The following FAM193A variants were observed in gnomAD, a reference collection of about 807,000 sequenced individuals.
FAM193A encodes family with sequence similarity 193 member A.
A neutral mutation model predicts 126.5 loss-of-function variants in FAM193A; 22 were observed. The ratio of observed to expected loss-of-function variants is 0.17; its 90% CI spans 0.12 to 0.25. FAM193A has a LOEUF of 0.25. Ranked by LOEUF, FAM193A falls within the 10% of genes least tolerant of loss-of-function variation. The pLI is 1.00. For missense variants in FAM193A, 1,675 were observed against 1,672.8 expected (o/e 1.00, Z -0.02); for synonymous variants, 761 against 646.8 (o/e 1.18, Z -2.68).
intron 19 of FAM193A, among the ~76,000 whole-genome samples, chr4:2,711,011 C>T (rs534653404): frequency 6.6e-6 from 1 of 151,944 alleles, no homozygotes; most frequent in East Asian, 1.9e-4. Context: ...ACCACCTCGC[C>T]CGGCTAATTT....
intron 1 of FAM193A, among the ~76,000 whole-genome samples, chr4:2,571,914 C>G (rs1055906618): frequency 6.6e-6 from 1 of 151,074 alleles, no homozygotes; most frequent in Non-Finnish European, 1.5e-5. Flanking sequence ...GCCTGTAATC[C>G]CAGCACTTCG....
At chr4:2,551,713 T>C (rs1737930715) in intron 1 of FAM193A, among the ~76,000 whole-genome samples, 1 of 152,180 alleles carries the variant, frequency 6.6e-6, no homozygotes, top group Admixed American at 6.6e-5. Flanking sequence ...TTTTTAAACC[T>C]TTTTGAAGAA....
chr4:2,690,977 C>CTT lies in FAM193A; in HGVS notation c.2803+8_2803+9dup. On this transcript the variant is annotated splice_region_variant and intron_variant, in intron 15 of 20. Coordinates refer to ENST00000637812, the MANE Select transcript of FAM193A (RefSeq NM_001366318.2). The stretch of plus-strand genomic sequence containing the variant: ...AAGAGACCTCCTTCAGTAGGTAAGG[C>CTT]TTGAAGGCTCACTGGCCCTCGGGGT... The CTT allele has an allele frequency of 1.2e-6, 2 of 1,606,432 alleles. No homozygotes were observed. The highest frequency in any genetic ancestry group is 1.7e-6 in the Non-Finnish European group (2 of 1,174,840).
intron 7 of FAM193A, among the ~76,000 whole-genome samples, chr4:2,647,694 C>T (rs34096174): frequency 0.066 from 10,103 of 152,228 alleles, 575 homozygotes; most frequent in African/African-American, 0.15. Context: ...CGCTTCCCAC[C>T]CCTGGCCTGC....
chr4:2,705,030 A>G (rs1012455470), intron 19 of FAM193A, among the ~76,000 whole-genome samples: 10 of 152,066 alleles, frequency 6.6e-5, no homozygotes, highest in Admixed American at 3.3e-4. Flanking sequence ...TCCTGCTTCA[A>G]CCTCCTGAGT....
Position 2,693,700 on chromosome 4 carries a change from C to T in FAM193A, c.2918C>T (p.Ser973Leu). 2 of 1,614,162 alleles carry T rather than the reference C, an allele frequency of 1.2e-6. No individual in the cohort carries two copies. Among genetic ancestry groups the T allele is most frequent in the Non-Finnish European group, 1.7e-6 (2 of 1,179,994 alleles). ...PLPALSPAAL[S>L]PAALSPASTP... The stretch of plus-strand genomic sequence containing the variant: ...CCAGCGCTCTCGCCTGCTGCGCTGT[C>T]ACCTGCTGCGCTCTCACCTGCCTCC... Residue 973 changes from serine (S) to leucine (L), a missense_variant, in exon 16 of 21, where the codon TCA (serine) becomes TTA (leucine). Transcript: ENST00000637812.
At chr4:2,596,540 C>T (rs544808150) in intron 2 of FAM193A, among the ~76,000 whole-genome samples, 78 of 152,336 alleles carry the variant, frequency 5.1e-4, no homozygotes, top group African/African-American at 1.6e-3. Context: ...CTTGTCTGGG[C>T]ACAATTCAGT....
rs538793946 is a variant in FAM193A, at chr4:2,701,305, CTTG to C, written c.4372+767_4372+769del. ...ATAGCAAAAAAAAAAAAAAAAAGCT[CTTG>C]TTGTTTCTCCTGACATGGGATCCAA... On this transcript the variant is annotated intron_variant, in intron 19 of 20. Coordinates refer to ENST00000637812, the MANE Select transcript of FAM193A (RefSeq NM_001366318.2). 4.9e-3 allele frequency among the ~76,000 whole-genome samples: 715 copies of C among 146,930 alleles called. 8 individuals carry two copies. Among genetic ancestry groups the C allele is most frequent in the Non-Finnish European group, 5.7e-3 (382 of 66,710 alleles).
chr4:2,596,126 C>G lies in FAM193A; in HGVS notation c.298C>G (p.Pro100Ala), dbSNP rs757326599. ...FGMNHRTPPY[P>A]AGDYCLLCRS... is the part of the protein sequence containing the mutation. ...CATGAATCATAGGACACCACCCTACCCTGCTGGGGATTATTGTCTTCTGTG... is the reference window on the plus strand; with the variant it reads ...CATGAATCATAGGACACCACCCTACGCTGCTGGGGATTATTGTCTTCTGTG... The change falls in exon 2 of 21, where the codon CCT (proline) becomes GCT (alanine). Residue 100 changes from proline to alanine, a missense_variant. Transcript: ENST00000637812. 1 of 702,858 alleles carries G rather than the reference C, an allele frequency of 1.4e-6. No individual in the cohort carries two copies. The highest frequency in any genetic ancestry group is 2.6e-6 in the Non-Finnish European group (1 of 384,980). The allele number at this position is 702,858 out of a possible 1,614,324, so 43.5% of individuals were successfully genotyped here.
Position 2,596,320 on chromosome 4 carries a change from C to G in FAM193A, c.492C>G (p.Asp164Glu), listed in dbSNP as rs982714619. 1 of 702,236 alleles carries G rather than the reference C, an allele frequency of 1.4e-6. No homozygotes were observed. Among genetic ancestry groups the G allele is most frequent in the African/African-American group, 1.7e-5 (1 of 57,256 alleles). 43.5% of individuals were successfully genotyped at this position (702,236 alleles called of 1,614,324 possible). A position where few individuals can be genotyped will look rare whatever the true frequency, so the allele number is the denominator to read the frequency against. The change falls in exon 2 of 21, where the codon GAC becomes GAG. Residue 164 changes from aspartate to glutamate, a missense_variant. Physicochemically the swap from Asp to Glu is conservative, Grantham distance 45. Coordinates refer to ENST00000637812, the MANE Select transcript of FAM193A (RefSeq NM_001366318.2). ...VEKEERHGGL[D>E]QPVSQDFLLH... is the part of the protein sequence containing the mutation. ...AGGAGGAGAGGCATGGCGGCCTTGA[C>G]CAGCCAGTGGTGAGTGGCTGCCAGC...
intron 1 of FAM193A, among the ~76,000 whole-genome samples, chr4:2,549,401 T>TG (rs1737767641): frequency 7.2e-6 from 1 of 138,346 alleles, no homozygotes; most frequent in African/African-American, 2.6e-5. Context: ...TTTTCTTTTT[T>TG]TTTTTTTTTT....
chr4:2,705,003 C>CG (rs1433280787), intron 19 of FAM193A, among the ~76,000 whole-genome samples: 2 of 152,162 alleles, frequency 1.3e-5, no homozygotes, highest in Non-Finnish European at 2.9e-5. Flanking sequence ...GCTCCGCCTC[C>CG]GGGGGTCACG....
intron 1 of FAM193A, among the ~76,000 whole-genome samples, chr4:2,592,022 T>C (rs1396593726): frequency 6.6e-6 from 1 of 152,238 alleles, no homozygotes; most frequent in Non-Finnish European, 1.5e-5. Flanking sequence ...TTTATATATT[T>C]ACATATTTCA....
At chr4:2,643,616 A>G (rs1264865756) in intron 6 of FAM193A, among the ~76,000 whole-genome samples, 1 of 152,138 alleles carries the variant, frequency 6.6e-6, no homozygotes, top group Non-Finnish European at 1.5e-5. Context: ...TGTAATGGGC[A>G]GTTTCCTTCC....
rs566300952 is a variant in FAM193A, at chr4:2,613,076, G to C, written c.502-12186G>C. Among the ~76,000 whole-genome samples the C allele has an allele frequency of 3.9e-5, 6 of 152,194 alleles. No homozygotes were observed. In the South Asian group the frequency reaches 1.0e-3, roughly 26 times the overall value. On this transcript the variant is annotated intron_variant, in intron 2 of 20. Transcript: ENST00000637812. The stretch of plus-strand genomic sequence containing the variant: ...TATGGTATAACTCTTCATTTATTTA[G>C]ATCATTTAAGTTTATTTTCAGCATT...
At chr4:2,564,060 G>C (rs1036049706) in intron 1 of FAM193A, among the ~76,000 whole-genome samples, 1 of 152,098 alleles carries the variant, frequency 6.6e-6, no homozygotes, top group East Asian at 1.9e-4. Flanking sequence ...CGGAGAATTA[G>C]TAGCATATGG....
At chr4:2,616,349 A>G (rs1454998411) in intron 2 of FAM193A, among the ~76,000 whole-genome samples, 1 of 151,864 alleles carries the variant, frequency 6.6e-6, no homozygotes, top group Non-Finnish European at 1.5e-5. Flanking sequence ...TGGCTTCCCA[A>G]CCTTTCTTTT....
Position 2,654,940 on chromosome 4 carries a change from T to C in FAM193A, c.1312-2863T>C, listed in dbSNP as rs78418920. 8.1e-6 allele frequency: 4 copies of C among 492,914 alleles called. No individual in the cohort carries two copies. In the South Asian group the frequency reaches 1.1e-4, roughly 14 times the overall value. The allele number at this position is 492,914 out of a possible 1,614,324, so 30.5% of individuals were successfully genotyped here. On this transcript the variant is annotated intron_variant, in intron 7 of 20. Transcript: ENST00000637812. ...CGCCAGATGCCGGCATTAACTCTTG[T>C]AGTTTTTGAGTTGAGTCTTGAATCT...
intron 6 of FAM193A, 119 bp from the exon 7 acceptor site, chr4:2,646,566 T>A: frequency 9.2e-7 from 1 of 1,092,368 alleles, no homozygotes; most frequent in South Asian, 1.6e-5. Flanking sequence ...TGGCACCCTG[T>A]TTTCCACGTT....
Sources: gnomAD v4.1 joint callset for allele counts (sites outside exome capture counted in the v4.1 genomes callset) on GRCh38, gnomAD v4.1.1 for gene constraint, MANE v1.5 for transcripts, NCBI Gene and HGNC (gene_info 2026-07-23, HGNC 2026-07-21) for gene names.